Variants in CNBD1 observed in about 807,000 individuals in gnomAD.
The protein encoded by CNBD1 is cyclic nucleotide-binding domain-containing protein 1.
In CNBD1, 71 loss-of-function variants were observed where a neutral mutation model predicts 54.4. The ratio of observed to expected loss-of-function variants is 1.30; its 90% CI spans 1.08 to 1.59. The LOEUF is 1.59. Ranked by LOEUF, CNBD1 falls within the 40% of genes most tolerant of loss-of-function variation. CNBD1 has a pLI of 0.00. For missense variants in CNBD1, 659 were observed against 518.0 expected (o/e 1.27, Z -2.64); for synonymous variants, 182 against 170.7 (o/e 1.07, Z -0.51).
At chr8:87,260,487 C>A (rs1484129562) in intron 6 of CNBD1, among the ~76,000 whole-genome samples, 1 of 152,170 alleles carries the variant, frequency 6.6e-6, no homozygotes, top group Non-Finnish European at 1.5e-5. Context: ...AGATTTATTA[C>A]AGCTTAAGAC....
chr8:87,365,000 A>G (rs1810613102), intron 10 of CNBD1, among the ~76,000 whole-genome samples: 1 of 151,984 alleles, frequency 6.6e-6, no homozygotes, highest in South Asian at 2.1e-4. Context: ...TCTTTTTGGT[A>G]TATACCCAGT....
chr8:87,328,010 G>T (rs1295256994), intron 8 of CNBD1, among the ~76,000 whole-genome samples: 3 of 151,628 alleles, frequency 2.0e-5, no homozygotes. Flanking sequence ...GGATACATGT[G>T]CAGAAAATGC....
intron 2 of CNBD1, among the ~76,000 whole-genome samples, chr8:86,904,784 A>G (rs1166522208): frequency 1.3e-5 from 2 of 152,252 alleles, no homozygotes; most frequent in East Asian, 1.9e-4. Flanking sequence ...TCTGTAGTAC[A>G]TTATATAAAA....
chr8:87,280,319 C>G (rs1037074221), intron 6 of CNBD1, among the ~76,000 whole-genome samples: 9 of 151,510 alleles, frequency 5.9e-5, no homozygotes, highest in Non-Finnish European at 8.9e-5. Context: ...GTGCTTATTA[C>G]TCTTCTTTGG....
At chr8:87,342,947 C>A (rs1262323672) in intron 8 of CNBD1, among the ~76,000 whole-genome samples, 4 of 152,130 alleles carry the variant, frequency 2.6e-5, no homozygotes, top group Non-Finnish European at 5.9e-5. Flanking sequence ...CCAATCCTAG[C>A]AAGCCTGAGG....
intron 2 of CNBD1, among the ~76,000 whole-genome samples, chr8:87,394,123 C>T (rs866208015): frequency 7.2e-5 from 11 of 151,858 alleles, no homozygotes; most frequent in Middle Eastern, 6.8e-3. Context: ...GTTGATAGGG[C>T]GTAACAATCA....
intron 6 of CNBD1, among the ~76,000 whole-genome samples, chr8:87,279,414 TA>T (rs1333531942): frequency 2.0e-5 from 3 of 151,350 alleles, no homozygotes; most frequent in Non-Finnish European, 4.4e-5. Flanking sequence ...AAATATACAT[TA>T]AACGTAAACA....
intron 4 of CNBD1, among the ~76,000 whole-genome samples, chr8:87,021,760 G>C (rs1358940050): frequency 6.6e-6 from 1 of 152,016 alleles, no homozygotes; most frequent in Non-Finnish European, 1.5e-5. Flanking sequence ...GTTATGTCAG[G>C]GTTGAGGAAC....
intron 4 of CNBD1, among the ~76,000 whole-genome samples, chr8:86,942,892 A>G (rs1236503073): frequency 1.3e-5 from 2 of 152,186 alleles, no homozygotes; most frequent in Non-Finnish European, 2.9e-5. Flanking sequence ...AAATCTATTT[A>G]TTGATGGATA....
chr8:87,300,603 G>A (rs758205714), intron 8 of CNBD1, among the ~76,000 whole-genome samples: 1 of 152,034 alleles, frequency 6.6e-6, no homozygotes, highest in Non-Finnish European at 1.5e-5. Flanking sequence ...TATTTTAATT[G>A]AAAGTATTTA....
At chr8:87,311,298 A>G (rs1414122177) in intron 8 of CNBD1, among the ~76,000 whole-genome samples, 1 of 152,128 alleles carries the variant, frequency 6.6e-6, no homozygotes, top group African/African-American at 2.4e-5. Context: ...AAAGACATAA[A>G]CAGATGCTTC....
At chr8:87,018,643 C>CA (rs1434811580) in intron 4 of CNBD1, among the ~76,000 whole-genome samples, 3 of 151,834 alleles carry the variant, frequency 2.0e-5, no homozygotes, top group South Asian at 2.1e-4. Context: ...GTTTTACTTC[C>CA]AAAAAAACCA....
At chr8:87,128,755 T>G (rs1463422834) in intron 4 of CNBD1, among the ~76,000 whole-genome samples, 1 of 151,742 alleles carries the variant, frequency 6.6e-6, no homozygotes, top group Non-Finnish European at 1.5e-5. Flanking sequence ...TTTTATATAT[T>G]GTTGGATTTG....
chr8:87,083,120 A>T (rs760374258), intron 4 of CNBD1, among the ~76,000 whole-genome samples: 5 of 152,174 alleles, frequency 3.3e-5, no homozygotes, highest in Non-Finnish European at 5.9e-5. Context: ...ATATATCATG[A>T]CTTACTTTCC....
chr8:87,067,930 A>C (rs2058964319), intron 4 of CNBD1, among the ~76,000 whole-genome samples: 2 of 152,004 alleles, frequency 1.3e-5, no homozygotes, highest in African/African-American at 4.8e-5. Flanking sequence ...AGTAGTTAGC[A>C]CTTGAGTTTT....
chr8:86,873,151 G>T (rs1245001794), intron 1 of CNBD1, among the ~76,000 whole-genome samples: 6 of 150,860 alleles, frequency 4.0e-5, no homozygotes, highest in Admixed American at 3.3e-4. Context: ...GCCCAGACTG[G>T]AGTGCAGTGG....
chr8:87,011,037 GA>G (rs1809209534), intron 4 of CNBD1, among the ~76,000 whole-genome samples: 1 of 152,126 alleles, frequency 6.6e-6, no homozygotes, highest in Admixed American at 6.5e-5. Context: ...AGAGAGAATG[GA>G]AACATGTTAT....
At chr8:87,407,430 C>G (rs1380640877) in intron 2 of CNBD1, among the ~76,000 whole-genome samples, 2 of 151,892 alleles carry the variant, frequency 1.3e-5, no homozygotes, top group African/African-American at 4.8e-5. Context: ...TAGTTTGTGT[C>G]TATTATGAAT....
At chr8:87,235,489 T>C (rs1807565741) in intron 5 of CNBD1, among the ~76,000 whole-genome samples, 1 of 152,106 alleles carries the variant, frequency 6.6e-6, no homozygotes, top group Non-Finnish European at 1.5e-5. Context: ...ATTGTTGTGT[T>C]TCAGGGAGTA....
Sources: gnomAD v4.1 joint callset for allele counts (sites outside exome capture counted in the v4.1 genomes callset) on GRCh38, gnomAD v4.1.1 for gene constraint, MANE v1.5 for transcripts, NCBI Gene and HGNC (gene_info 2026-07-23, HGNC 2026-07-21) for gene names.